VPS8: variants seen among roughly 807,000 people sequenced by gnomAD.
VPS8 encodes VPS8 subunit of CORVET complex.
A neutral mutation model predicts 216.4 loss-of-function variants in VPS8; 129 were observed. The ratio of observed to expected loss-of-function variants is 0.60; its 90% CI spans 0.52 to 0.69. The LOEUF (loss-of-function observed/expected upper bound fraction) is 0.69, where lower values mean the gene tolerates loss of function less well. Ranked by LOEUF, VPS8 falls within the 30% of genes least tolerant of loss-of-function variation. The pLI is 0.00. For synonymous variants in VPS8, 571 were observed against 565.4 expected (o/e 1.01, Z -0.14); for missense variants, 1,531 against 1,683.5 (o/e 0.91, Z 1.59).
intron 22 of VPS8, among the ~76,000 whole-genome samples, chr3:184,890,818 T>C (rs1296100539): frequency 6.6e-6 from 1 of 152,194 alleles, no homozygotes; most frequent in African/African-American, 2.4e-5. Flanking sequence ...TGAAGACTTA[T>C]ACTTTATTTT....
At chr3:184,915,240 G>T in intron 27 of VPS8, 115 bp from the exon 28 acceptor site, 1 of 1,395,708 alleles carries the variant, frequency 7.2e-7, no homozygotes. Context: ...TTAAAATACA[G>T]TAGCAATTTA....
chr3:185,035,625 A>G (rs1758776251), intron 46 of VPS8, among the ~76,000 whole-genome samples: 1 of 152,228 alleles, frequency 6.6e-6, no homozygotes, highest in Non-Finnish European at 1.5e-5. Flanking sequence ...AATAAGAGCC[A>G]TCTTTGACAA....
intron 42 of VPS8, 45 bp downstream of exon 42, chr3:184,983,139 T>C: frequency 1.4e-6 from 2 of 1,461,356 alleles, no homozygotes; most frequent in South Asian, 1.3e-5. Context: ...TCAACTAACA[T>C]TTTAGTTATA....
intron 14 of VPS8, among the ~76,000 whole-genome samples, chr3:184,858,159 C>T (rs1423350034): frequency 6.6e-6 from 1 of 152,054 alleles, no homozygotes; most frequent in African/African-American, 2.4e-5. Flanking sequence ...TATATTTCTT[C>T]AGTGTTCTGT....
intron 25 of VPS8, among the ~76,000 whole-genome samples, chr3:184,912,371 A>G (rs1266447663): frequency 6.6e-6 from 1 of 152,204 alleles, no homozygotes; most frequent in East Asian, 1.9e-4. Flanking sequence ...AAGATCAGCT[A>G]TTAATTTACA....
chr3:185,040,891 A>G (rs1759529540), intron 46 of VPS8, among the ~76,000 whole-genome samples: 1 of 152,146 alleles, frequency 6.6e-6, no homozygotes, highest in African/African-American at 2.4e-5. Flanking sequence ...AGCCATTGAT[A>G]AAATATTTGT....
At chr3:184,836,836 G>A (rs1721182881) in intron 5 of VPS8, among the ~76,000 whole-genome samples, 1 of 152,200 alleles carries the variant, frequency 6.6e-6, no homozygotes, top group East Asian at 1.9e-4. Context: ...CACTTGGAGA[G>A]ATGAAATTTT....
rs374210002 is a variant in VPS8, at chr3:184,993,977, G to A, written c.3586-6G>A. On this transcript the variant is annotated splice_region_variant and splice_polypyrimidine_tract_variant and intron_variant, in intron 42 of 47. Transcript: ENST00000625842. Reference sequence around the variant, plus strand: ...TTGTAACAGAATTGTAATTTTTTCCGATTAGGATCCAGTTTATGGAAAAGG... The same window carrying A: ...TTGTAACAGAATTGTAATTTTTTCCAATTAGGATCCAGTTTATGGAAAAGG... The A allele has an allele frequency of 1.2e-5, 18 of 1,537,302 alleles. No individual in the cohort carries two copies. The highest frequency in any genetic ancestry group is 2.4e-5 in the East Asian group (1 of 42,208).
At chr3:184,931,949 GATAA>G (rs1241579805) in intron 34 of VPS8, among the ~76,000 whole-genome samples, 1 of 152,098 alleles carries the variant, frequency 6.6e-6, no homozygotes, top group African/African-American at 2.4e-5. Flanking sequence ...TGTGAAATGT[GATAA>G]ATTAATCAAT....
intron 46 of VPS8, among the ~76,000 whole-genome samples, chr3:185,031,080 T>G (rs1253659011): frequency 1.3e-5 from 2 of 148,684 alleles, no homozygotes; most frequent in Non-Finnish European, 3.0e-5. Context: ...TTTTTTTTTT[T>G]TTTTTTTTTT....
At chr3:184,846,573 G>A (rs562571484) in intron 8 of VPS8, among the ~76,000 whole-genome samples, 52 of 152,248 alleles carry the variant, frequency 3.4e-4, no homozygotes, top group Admixed American at 2.6e-3. Context: ...GAGTCTTTAA[G>A]TATTGGTGAA....
chr3:184,842,607 A>G (rs899512596), intron 7 of VPS8, among the ~76,000 whole-genome samples: 1 of 152,210 alleles, frequency 6.6e-6, no homozygotes, highest in Non-Finnish European at 1.5e-5. Flanking sequence ...AACAAATGGC[A>G]GAGTAATAAT....
chr3:184,848,026 C>T (rs1004580396), intron 8 of VPS8, among the ~76,000 whole-genome samples: 3 of 152,084 alleles, frequency 2.0e-5, no homozygotes, highest in Non-Finnish European at 4.4e-5. Flanking sequence ...AATTCTCCTG[C>T]CTCAGCCTCC....
intron 36 of VPS8, among the ~76,000 whole-genome samples, chr3:184,956,965 G>A (rs1033647985): frequency 2.0e-5 from 3 of 152,178 alleles, no homozygotes; most frequent in Non-Finnish European, 4.4e-5. Context: ...TCATTGCAAT[G>A]TGATATGATT....
chr3:184,965,571 G>A (rs879529055), intron 38 of VPS8, among the ~76,000 whole-genome samples: 6 of 152,182 alleles, frequency 3.9e-5, no homozygotes, highest in Admixed American at 1.3e-4. Context: ...CAGGTCAGGC[G>A]AGAAACAACG....
chr3:184,999,635 A>G, intron 44 of VPS8, 61 bp from the exon 45 acceptor site: 1 of 1,519,524 alleles, frequency 6.6e-7, no homozygotes, highest in Non-Finnish European at 8.8e-7. Flanking sequence ...TACACTTACA[A>G]GCTTATATTT....
chr3:184,824,329 A>T (rs1342989845), intron 1 of VPS8: 1 of 246,502 alleles, frequency 4.1e-6, no homozygotes, highest in Non-Finnish European at 7.9e-6. Context: ...CACTTCCTAA[A>T]GTCCTTGAGC....
rs370236937 is a variant in VPS8, at chr3:184,870,814, T to C, written c.1734+9T>C. The C allele has an allele frequency of 3.5e-5, 57 of 1,606,718 alleles. No individual in the cohort carries two copies. The African/African-American group carries it at 6.9e-4, about 20-fold the overall frequency. ...TGGAGCAGCATTTTCAGGTACACATTGCATGTGCTTCCAGTAGACGATGCT... is the reference window on the plus strand; with the variant it reads ...TGGAGCAGCATTTTCAGGTACACATCGCATGTGCTTCCAGTAGACGATGCT... On this transcript the variant is annotated intron_variant, in intron 21 of 47. Transcript: ENST00000625842.
At chr3:184,841,260 C>T (rs1479449171) in intron 7 of VPS8, among the ~76,000 whole-genome samples, 1 of 152,096 alleles carries the variant, frequency 6.6e-6, no homozygotes, top group Non-Finnish European at 1.5e-5. Context: ...TAATCCCTAA[C>T]ATTTTTGTAT....
Sources: allele counts gnomAD v4.1 joint callset (sites outside exome capture counted in the v4.1 genomes callset), GRCh38; gene constraint gnomAD v4.1.1; transcripts MANE v1.5; gene names NCBI Gene and HGNC (gene_info 2026-07-23, HGNC 2026-07-21).